The following ZNF749 variants were observed in gnomAD, a reference collection of about 807,000 sequenced individuals.
The protein encoded by ZNF749 is zinc finger protein 749.
In ZNF749, 8 loss-of-function variants were observed where a neutral mutation model predicts 7.3. That is an observed-to-expected ratio of 1.10 (90% CI 0.64 to 1.98). ZNF749 has a LOEUF of 1.98. Ranked by LOEUF, ZNF749 falls within the 30% of genes most tolerant of loss-of-function variation. The pLI is 0.00. For synonymous variants in ZNF749, 310 were observed against 322.4 expected, an observed-to-expected ratio of 0.96 and a Z score of 0.41; for missense variants, 898 against 932.4, an observed-to-expected ratio of 0.96 and a Z score of 0.48.
At position 57,444,554 on chromosome 19, in the gene ZNF749, A is replaced by T; in HGVS notation, c.1406A>T (p.Asp469Val). The T allele has an allele frequency of 6.2e-7, 1 of 1,613,694 alleles. No homozygotes were observed. The highest frequency in any genetic ancestry group is 8.5e-7 in the Non-Finnish European group (1 of 1,179,856). The change falls in exon 3 of 3, where the codon GAC (aspartate) becomes GTC (valine). Residue 469 changes from aspartate (D) to valine (V), a missense_variant. Transcript: ENST00000334181. ...IHTDAFSKRS[D>V]LIQHKRIDIR... ...ACTGATGCATTTTCAAAAAGGTCTGACCTCATTCAACACAAGAGGATTGAC... is the reference window on the plus strand; with the variant it reads ...ACTGATGCATTTTCAAAAAGGTCTGTCCTCATTCAACACAAGAGGATTGAC...
At position 57,443,734 on chromosome 19, in the gene ZNF749, T is replaced by G. The variant is rs754946396; in HGVS notation, c.586T>G (p.Phe196Val). Residue 196 changes from phenylalanine to valine, a missense_variant, in exon 3 of 3, where the codon TTC becomes GTC. Physicochemically the swap from Phe to Val is conservative, Grantham distance 50. Transcript: ENST00000334181. ...GEAFQGEQND[F>V]NSSQGGKDFC... ...AGCCTTTCAAGGTGAACAGAATGAT[T>G]TCAACTCCAGCCAAGGTGGGAAAGA... The G allele has an allele frequency of 6.2e-7, 1 of 1,614,162 alleles. No individual in the cohort carries two copies. Among genetic ancestry groups the G allele is most frequent in the South Asian group, 1.1e-5 (1 of 91,088 alleles).
chr19:57,435,894 T>C (rs1462857385), intron 1 of ZNF749, among the ~76,000 whole-genome samples: 1 of 152,078 alleles, frequency 6.6e-6, no homozygotes, highest in Non-Finnish European at 1.5e-5. Context: ...CAGAGAGCCA[T>C]AGAGGGCTGT....
At chr19:57,433,111 A>AGT (rs71186260), upstream of ZNF749, among the ~76,000 whole-genome samples, 12,624 of 143,322 alleles carry the variant, frequency 0.088, 492 homozygotes, top group Admixed American at 0.12. Flanking sequence ...AGTCTTGAGG[A>AGT]GTGTGTGTGT....
chr19:57,445,640 C>T lies in ZNF749; in HGVS notation c.*155C>T. ...TTCCTGCTGGGAACTACATTAAAAA[C>T]ATTTATGTCCAGGCGTGGTGGCTCA... On this transcript the variant is annotated 3_prime_UTR_variant, in exon 3 of 3. Transcript: ENST00000334181. 1 of 840,276 alleles carries T rather than the reference C, an allele frequency of 1.2e-6. No individual in the cohort carries two copies. The highest frequency in any genetic ancestry group is 1.4e-6 in the Non-Finnish European group (1 of 697,730). 52.1% of individuals were successfully genotyped at this position (840,276 alleles called of 1,614,324 possible). A position where few individuals can be genotyped will look rare whatever the true frequency, so the allele number is the denominator to read the frequency against.
chr19:57,442,297 TTTGATTACTC>T lies in ZNF749; in HGVS notation c.142+288_142+297del, dbSNP rs1163831027. 6.6e-6 allele frequency among the ~76,000 whole-genome samples: 1 copy of T among 152,202 alleles called. No individual in the cohort carries two copies. The highest frequency in any genetic ancestry group is 2.4e-5 in the African/African-American group (1 of 41,452). On this transcript the variant is annotated intron_variant, in intron 2 of 2. Coordinates refer to ENST00000334181, the MANE Select transcript of ZNF749 (RefSeq NM_001023561.4). The surrounding 1 kb of genome is among the most constrained non-coding windows in gnomAD (Gnocchi z 6.6). Reference sequence around the variant, plus strand: ...TCCTAATGGCGGTGCCTGTCCCTGGTTTGATTACTCTGTCCAAATGTGTGAAACCTCTGTC... The same window carrying T: ...TCCTAATGGCGGTGCCTGTCCCTGGTTGTCCAAATGTGTGAAACCTCTGTC...
chr19:57,434,926 G>A (rs573820462), upstream of ZNF749, among the ~76,000 whole-genome samples: 9 of 152,322 alleles, frequency 5.9e-5, no homozygotes, highest in South Asian at 1.9e-3. Context: ...TGTCGCTTCT[G>A]ATGTTCTTCC....
Position 57,445,203 on chromosome 19 carries a change from A to G in ZNF749, c.2055A>G (p.Lys685=). The G allele has an allele frequency of 6.2e-7, 1 of 1,614,112 alleles. No individual in the cohort carries two copies. Among genetic ancestry groups the G allele is most frequent in the Non-Finnish European group, 8.5e-7 (1 of 1,179,962 alleles). ...KFLRYRSTFI[K]HHKVCTGEKP... ...TTAGATACCGCTCTACATTCATTAA[A>G]CATCATAAAGTTTGCACTGGGGAGA... is the stretch of plus-strand genomic sequence containing the variant. Residue 685 remains lysine (K), a synonymous_variant, in exon 3 of 3, where the codon AAA becomes AAG. Transcript: ENST00000334181.
At position 57,436,577 on chromosome 19, in the gene ZNF749, T is replaced by C. The variant is rs1364875684; in HGVS notation, c.15+984T>C. 6.6e-6 allele frequency among the ~76,000 whole-genome samples: 1 copy of C among 152,126 alleles called. No homozygotes were observed. Among genetic ancestry groups the C allele is most frequent in the African/African-American group, 2.4e-5 (1 of 41,422 alleles). ...TACAGAGACTGAGGCATGAGATAAT[T>C]GTAGTCACTCCACCCTTCTAACTCA... On this transcript the variant is annotated intron_variant, in intron 1 of 2. Coordinates refer to ENST00000334181, the MANE Select transcript of ZNF749 (RefSeq NM_001023561.4). The surrounding 1 kb of genome is among the most constrained non-coding windows in gnomAD (Gnocchi z 4.0).
chr19:57,431,569 C>T (rs149595188), upstream of ZNF749, among the ~76,000 whole-genome samples: 1 of 152,042 alleles, frequency 6.6e-6, no homozygotes, highest in East Asian at 1.9e-4. Context: ...TAGGTGGCTA[C>T]TTCCCCACAA....
upstream of ZNF749, among the ~76,000 whole-genome samples, chr19:57,431,445 G>A (rs1378396156): frequency 1.3e-5 from 2 of 152,112 alleles, no homozygotes; most frequent in Non-Finnish European, 2.9e-5. Flanking sequence ...CATATAACAT[G>A]CAGGAGACTT....
upstream of ZNF749, among the ~76,000 whole-genome samples, chr19:57,435,178 A>G (rs955872708): frequency 2.6e-5 from 4 of 152,118 alleles, no homozygotes; most frequent in African/African-American, 9.7e-5. Context: ...GCAGCGTGGG[A>G]ACTACATTAC....
chr19:57,443,883 T>C lies in ZNF749; in HGVS notation c.735T>C (p.Asn245=). Reference sequence around the variant, plus strand: ...CCAACCTTATTAAATATCAGCAAAATCATGCTGGAGAAAGGCCTTATGAGG... The same window carrying C: ...CCAACCTTATTAAATATCAGCAAAACCATGCTGGAGAAAGGCCTTATGAGG... ...YNSNLIKYQQ[N]HAGERPYEGT... Residue 245 remains asparagine (N), a synonymous_variant, in exon 3 of 3, where the codon AAT becomes AAC. Coordinates refer to ENST00000334181, the MANE Select transcript of ZNF749 (RefSeq NM_001023561.4). 2.5e-6 allele frequency: 4 copies of C among 1,613,510 alleles called. No individual in the cohort carries two copies. The highest frequency in any genetic ancestry group is 3.4e-6 in the Non-Finnish European group (4 of 1,179,576).
intron 1 of ZNF749, among the ~76,000 whole-genome samples, chr19:57,440,325 G>A (rs1330354632): frequency 1.3e-5 from 2 of 152,000 alleles, no homozygotes; most frequent in Non-Finnish European, 2.9e-5. Context: ...TAGGATTAGG[G>A]GGATAGAGAA....
intron 1 of ZNF749, 145 bp downstream of exon 1, chr19:57,435,738 T>C (rs961850593): frequency 1.4e-6 from 2 of 1,433,886 alleles, no homozygotes; most frequent in Admixed American, 2.4e-5. Context: ...TGCGGTGCGA[T>C]GAGGCGGGGG....
At chr19:57,433,355 G>A (rs1319124467), upstream of ZNF749, among the ~76,000 whole-genome samples, 2 of 152,100 alleles carry the variant, frequency 1.3e-5, no homozygotes, top group Admixed American at 6.6e-5. Flanking sequence ...ATTCTGACTT[G>A]GGAGTGGTTA....
chr19:57,436,433 A>G lies in ZNF749; in HGVS notation c.15+840A>G, dbSNP rs1244330895. Among the ~76,000 whole-genome samples the G allele has an allele frequency of 6.6e-6, 1 of 152,156 alleles. No individual in the cohort carries two copies. The highest frequency in any genetic ancestry group is 1.9e-4 in the East Asian group (1 of 5,186). Reference sequence around the variant, plus strand: ...TAGGGGAGGGCTCAGATTTGGAGGAAAGACCATGGTAGGGAGGGCATCTCT... The same window carrying G: ...TAGGGGAGGGCTCAGATTTGGAGGAGAGACCATGGTAGGGAGGGCATCTCT... On this transcript the variant is annotated intron_variant, in intron 1 of 2. Coordinates refer to ENST00000334181, the MANE Select transcript of ZNF749 (RefSeq NM_001023561.4). The surrounding 1 kb of genome is among the most constrained non-coding windows in gnomAD (Gnocchi z 4.0).
chr19:57,432,969 C>A (rs1192336644), upstream of ZNF749, among the ~76,000 whole-genome samples: 1 of 152,180 alleles, frequency 6.6e-6, no homozygotes, highest in Non-Finnish European at 1.5e-5. Flanking sequence ...CCTATTAAAT[C>A]AGACCACACC....
At chr19:57,434,036 G>A (rs915781197), upstream of ZNF749, among the ~76,000 whole-genome samples, 2 of 152,136 alleles carry the variant, frequency 1.3e-5, no homozygotes, top group Admixed American at 6.5e-5. Context: ...CTTATCATAA[G>A]GCCTTATAAG....
Position 57,445,369 on chromosome 19 carries a change from C to G in ZNF749, c.2221C>G (p.Arg741Gly), listed in dbSNP as rs776272470. The G allele has an allele frequency of 3.1e-6, 5 of 1,613,714 alleles. No individual in the cohort carries two copies. Among genetic ancestry groups the G allele is most frequent in the Non-Finnish European group, 4.2e-6 (5 of 1,179,814 alleles). The part of the protein sequence containing the change: ...KDFNKCNTGQ[R>G]QKTHTGERSY... The stretch of plus-strand genomic sequence containing the variant: ...CTTCAACAAATGTAATACTGGTCAG[C>G]GCCAAAAAACTCACACTGGAGAAAG... The change falls in exon 3 of 3, where the codon CGC becomes GGC. Residue 741 changes from arginine to glycine, a missense_variant. Physicochemically the swap from Arg to Gly is moderately radical, Grantham distance 125. Transcript: ENST00000334181.
Sources: allele counts gnomAD v4.1 joint callset (sites outside exome capture counted in the v4.1 genomes callset), GRCh38; gene constraint gnomAD v4.1.1; non-coding constraint Gnocchi (gnomAD v3.1); transcripts MANE v1.5; gene names NCBI Gene and HGNC (gene_info 2026-07-23, HGNC 2026-07-21).